Variants in LPAR6 observed in about 807,000 individuals in gnomAD.
The protein encoded by LPAR6 is lysophosphatidic acid receptor 6.
In LPAR6, 17 loss-of-function variants were observed where a neutral mutation model predicts 22.0. The ratio of observed to expected loss-of-function variants is 0.77; its 90% CI spans 0.53 to 1.16. The LOEUF (loss-of-function observed/expected upper bound fraction) is 1.16. Among genes scored for constraint, LPAR6 ranks in the 50% most tolerant of loss-of-function variants. The pLI is 0.00. For missense variants in LPAR6, 384 were observed against 406.9 expected, an observed-to-expected ratio of 0.94 and a Z score of 0.48; for synonymous variants, 136 against 139.8, an observed-to-expected ratio of 0.97 and a Z score of 0.19.
intron 1 of LPAR6, among the ~76,000 whole-genome samples, chr13:48,436,261 T>C (rs912353792): frequency 3.5e-4 from 54 of 152,330 alleles, no homozygotes; most frequent in African/African-American, 1.3e-3. Flanking sequence ...CATGTGGATA[T>C]CTTTGGTGTC....
Position 48,411,327 on chromosome 13 carries a change from GA to G in LPAR6, c.*61del. The G allele has an allele frequency of 7.5e-7, 1 of 1,341,340 alleles. No homozygotes were observed. The highest frequency in any genetic ancestry group is 1.2e-5 in the South Asian group (1 of 84,884). The allele number at this position is 1,341,340 out of a possible 1,614,324, so 83.1% of individuals were successfully genotyped here. A position where few individuals can be genotyped will look rare whatever the true frequency, so the allele number is the denominator to read the frequency against. ...GGTGGAAAAATAGTTTGTCCAAAAA[GA>G]CACTTTTCACAGTTGAAGGAACTTG... is the stretch of plus-strand genomic sequence containing the variant. On this transcript the variant is annotated 3_prime_UTR_variant, in exon 1 of 1. Coordinates refer to ENST00000620633, the MANE Select transcript of LPAR6 (RefSeq NM_001162498.3).
Position 48,411,144 on chromosome 13 carries a change from T to G in LPAR6, c.*245A>C. The stretch of plus-strand genomic sequence containing the variant: ...GTCACTTTTAGACACTAAATAACTT[T>G]AAGAGATTTTTTTTAATGAAGGAAC... On this transcript the variant is annotated 3_prime_UTR_variant, in exon 1 of 1. Transcript: ENST00000620633. 2.6e-6 allele frequency: 1 copy of G among 380,164 alleles called. No homozygotes were observed. Among genetic ancestry groups the G allele is most frequent in the Non-Finnish European group, 4.8e-6 (1 of 207,070 alleles). The allele number at this position is 380,164 out of a possible 1,614,324, so 23.5% of individuals were successfully genotyped here.
chr13:48,396,827 G>A (rs145587474), intron 1 of LPAR6, among the ~76,000 whole-genome samples: 335 of 152,266 alleles, frequency 2.2e-3, no homozygotes, highest in African/African-American at 7.8e-3. Flanking sequence ...ATCAAAAAGT[G>A]GGTGAAGGAT....
At chr13:48,418,488 A>G (rs1044716967) in intron 2 of LPAR6, among the ~76,000 whole-genome samples, 2 of 152,186 alleles carry the variant, frequency 1.3e-5, no homozygotes, top group Non-Finnish European at 2.9e-5. Flanking sequence ...CTAATGGGCA[A>G]ACTAACTGGC....
chr13:48,412,358 G>A lies in LPAR6; in HGVS notation c.66C>T (p.Cys22=), dbSNP rs774232498. 1.9e-6 allele frequency: 3 copies of A among 1,613,630 alleles called. No homozygotes were observed. The South Asian group carries it at 3.3e-5, about 18-fold the overall frequency. Residue 22 remains cysteine (C), a synonymous_variant, in exon 1 of 1, where the codon TGC becomes TGT. Coordinates refer to ENST00000620633, the MANE Select transcript of LPAR6 (RefSeq NM_001162498.3). ...CAAGCACAAACACCATGCTGAACAT[G>A]CACCCATACAAAGTGTACTTAAAGG... ...NDSFKYTLYG[C]MFSMVFVLGL... is the part of the protein sequence containing the mutation.
chr13:48,422,331 C>T (rs1235068315), intron 2 of LPAR6, among the ~76,000 whole-genome samples: 1 of 151,988 alleles, frequency 6.6e-6, no homozygotes, highest in African/African-American at 2.4e-5. Flanking sequence ...AACACATGGA[C>T]ACAGGGAGGG....
At chr13:48,396,168 A>AT (rs1948646428) in intron 1 of LPAR6, among the ~76,000 whole-genome samples, 1 of 152,198 alleles carries the variant, frequency 6.6e-6, no homozygotes, top group African/African-American at 2.4e-5. Flanking sequence ...TATAGAACCT[A>AT]AAAAGAGCCC....
At chr13:48,423,736 A>G (rs1949041521) in intron 1 of LPAR6, among the ~76,000 whole-genome samples, 1 of 152,216 alleles carries the variant, frequency 6.6e-6, no homozygotes, top group East Asian at 1.9e-4. Context: ...ACAGAAATAA[A>G]TTGATTTAAG....
At chr13:48,438,529 G>T (rs1228755580) in intron 1 of LPAR6, among the ~76,000 whole-genome samples, 3 of 151,218 alleles carry the variant, frequency 2.0e-5, no homozygotes, top group Non-Finnish European at 4.4e-5. Context: ...TTAGCACTTT[G>T]TATTGCTATT....
intron 1 of LPAR6, among the ~76,000 whole-genome samples, chr13:48,436,737 G>T (rs1038398331): frequency 1.3e-5 from 2 of 152,082 alleles, no homozygotes; most frequent in Non-Finnish European, 2.9e-5. Flanking sequence ...AAGGTAAAAT[G>T]GAAAAGATCT....
At chr13:48,414,878 T>C (rs1258376247), upstream of LPAR6, among the ~76,000 whole-genome samples, 4 of 152,228 alleles carry the variant, frequency 2.6e-5, no homozygotes, top group African/African-American at 9.6e-5. Context: ...TGTATGTGTG[T>C]GTTCTTATTA....
intron 1 of LPAR6, among the ~76,000 whole-genome samples, chr13:48,395,275 TC>T (rs1175229979): frequency 5.3e-5 from 8 of 152,064 alleles, no homozygotes; most frequent in African/African-American, 1.9e-4. Context: ...GGTAGATAAA[TC>T]CATGAAGATG....
chr13:48,396,083 A>G (rs539208772), intron 1 of LPAR6, among the ~76,000 whole-genome samples: 1 of 152,368 alleles, frequency 6.6e-6, no homozygotes, highest in Admixed American at 6.5e-5. Context: ...ACAGTAATTT[A>G]TAGATTCAAT....
chr13:48,432,214 C>T (rs1284449582), intron 1 of LPAR6, among the ~76,000 whole-genome samples: 2 of 152,066 alleles, frequency 1.3e-5, no homozygotes, highest in Non-Finnish European at 2.9e-5. Flanking sequence ...GGGAATTAAC[C>T]TTTAACTGAT....
At chr13:48,392,399 C>T (rs1947746775) in intron 1 of LPAR6, among the ~76,000 whole-genome samples, 1 of 152,196 alleles carries the variant, frequency 6.6e-6, no homozygotes, top group African/African-American at 2.4e-5. Context: ...GCATGAGCCA[C>T]CACGCCTGGC....
At chr13:48,395,876 A>C (rs1192184248) in intron 1 of LPAR6, among the ~76,000 whole-genome samples, 1 of 152,178 alleles carries the variant, frequency 6.6e-6, no homozygotes, top group East Asian at 1.9e-4. Flanking sequence ...CAGGAAATAC[A>C]GGGAACACCA....
intron 1 of LPAR6, among the ~76,000 whole-genome samples, chr13:48,401,571 A>G (rs1948691948): frequency 6.6e-6 from 1 of 152,154 alleles, no homozygotes; most frequent in African/African-American, 2.4e-5. Context: ...CATGTTTTAA[A>G]AACTCTGAAC....
intron 1 of LPAR6, among the ~76,000 whole-genome samples, chr13:48,432,324 A>T (rs1176385065): frequency 6.6e-6 from 1 of 151,536 alleles, no homozygotes; most frequent in Non-Finnish European, 1.5e-5. Context: ...GGCAAATAGA[A>T]ATTTCTAAAC....
In LPAR6 at chr13:48,403,223, C is replaced by G. The variant is rs182439836; in HGVS notation, n.114+12477G>C. Among the ~76,000 whole-genome samples the G allele has an allele frequency of 9.9e-5, 15 of 152,164 alleles. No individual in the cohort carries two copies. In the East Asian group the frequency reaches 2.1e-3, roughly 22 times the overall value. Reference sequence around the variant, plus strand: ...TTGTGTAACTTGGATTGTGCAATTGCTTTTAAAAATGAAACTATTTCTCAT... The same window carrying G: ...TTGTGTAACTTGGATTGTGCAATTGGTTTTAAAAATGAAACTATTTCTCAT... On this transcript the variant is annotated intron_variant and non_coding_transcript_variant, in intron 1 of 1. Transcript: ENST00000462781.
Sources: gnomAD v4.1 joint callset for allele counts (sites outside exome capture counted in the v4.1 genomes callset) on GRCh38, gnomAD v4.1.1 for gene constraint, MANE v1.5 for transcripts, NCBI Gene and HGNC (gene_info 2026-07-23, HGNC 2026-07-21) for gene names.